C17orf75: variants seen among roughly 807,000 people sequenced by gnomAD.
C17orf75 encodes the protein chromosome 17 open reading frame 75, also known as protein Njmu-R1.
In C17orf75, 32 loss-of-function variants were observed where a neutral mutation model predicts 49.6. That is an observed-to-expected ratio of 0.65 (90% CI 0.49 to 0.87). The LOEUF is 0.87. C17orf75 is among the 40% of genes least tolerant of loss of function. The pLI, the probability that C17orf75 is intolerant of heterozygous loss-of-function variation, is 0.00. For synonymous variants in C17orf75, 158 were observed against 159.5 expected (o/e 0.99, Z 0.07); for missense variants, 428 against 473.9 (o/e 0.90, Z 0.90).
At position 32,335,323 on chromosome 17, in the gene C17orf75, A is replaced by G. The variant is rs1293739855; in HGVS notation, c.669T>C (p.Ala223=). The change falls in exon 6 of 10, where the codon GCT becomes GCC. Residue 223 remains alanine (A), a splice_region_variant and synonymous_variant. Transcript: ENST00000577809. Reference sequence around the variant, plus strand: ...AATGCTCTCATTTGGCAGTACTTACAGCATGTAGCAGAAAGGTAAGCTTTT... The same window carrying G: ...AATGCTCTCATTTGGCAGTACTTACGGCATGTAGCAGAAAGGTAAGCTTTT... ...FQEKLTFLLH[A]ALSYTPVEVK... is the part of the protein sequence containing the mutation. The G allele has an allele frequency of 6.2e-7, 1 of 1,613,768 alleles. No homozygotes were observed. The highest frequency in any genetic ancestry group is 1.1e-5 in the South Asian group (1 of 91,068).
In C17orf75 at chr17:32,335,313, C is replaced by T. The variant is rs376523065; in HGVS notation, c.669+10G>A. On this transcript the variant is annotated intron_variant, in intron 6 of 9. Transcript: ENST00000577809. ...CAGTTAAGGAAATGCTCTCATTTGGCAGTACTTACAGCATGTAGCAGAAAG... is the reference window on the plus strand; with the variant it reads ...CAGTTAAGGAAATGCTCTCATTTGGTAGTACTTACAGCATGTAGCAGAAAG... 1.7e-5 allele frequency: 28 copies of T among 1,612,790 alleles called. No individual in the cohort carries two copies. The African/African-American group carries it at 3.3e-4, about 19-fold the overall frequency.
intron 3 of C17orf75, 122 bp from the exon 4 acceptor site, chr17:32,338,473 A>C: frequency 4.4e-6 from 4 of 903,882 alleles, no homozygotes; most frequent in Non-Finnish European, 6.4e-6. Context: ...CCACTAACTC[A>C]GAGCTTCCCA....
intron 3 of C17orf75, 49 bp downstream of exon 3, chr17:32,339,764 T>C (rs760657554): frequency 6.2e-7 from 1 of 1,602,428 alleles, no homozygotes; most frequent in Non-Finnish European, 8.5e-7. Context: ...TCACTTCTCA[T>C]ATTTAGTTCA....
At chr17:32,337,577 T>C (rs958569548) in intron 5 of C17orf75, among the ~76,000 whole-genome samples, 2 of 152,302 alleles carry the variant, frequency 1.3e-5, no homozygotes, top group Admixed American at 1.3e-4. Context: ...AGTATATTAA[T>C]CATTTCAGTC....
In C17orf75 at chr17:32,330,031, C is replaced by T. The variant is rs1227221199; in HGVS notation, c.*1732G>A. On this transcript the variant is annotated 3_prime_UTR_variant, in exon 10 of 10. Coordinates refer to ENST00000577809, the MANE Select transcript of C17orf75 (RefSeq NM_022344.4). ...CTAATTTTTGTAATTTTAGTAGAGA[C>T]AGGGTTTCACCATATTGGTCAGGCT... 1 of 152,200 alleles carries T rather than the reference C, an allele frequency of 6.6e-6. No individual in the cohort carries two copies. The highest frequency in any genetic ancestry group is 1.5e-5 in the Non-Finnish European group (1 of 68,048). 9.4% of individuals were successfully genotyped at this position (152,200 alleles called of 1,614,324 possible). A position where few individuals can be genotyped will look rare whatever the true frequency, so the allele number is the denominator to read the frequency against.
intron 1 of C17orf75, among the ~76,000 whole-genome samples, chr17:32,349,650 C>G (rs140825817): frequency 2.2e-3 from 340 of 152,228 alleles, no homozygotes; most frequent in African/African-American, 7.2e-3. Context: ...CCACTACAGC[C>G]GCCCTAGGAC....
chr17:32,342,049 C>G lies in C17orf75; in HGVS notation c.91G>C (p.Glu31Gln). The G allele has an allele frequency of 1.3e-6, 2 of 1,554,964 alleles. No homozygotes were observed. Among genetic ancestry groups the G allele is most frequent in the Non-Finnish European group, 1.7e-6 (2 of 1,151,828 alleles). ...CAGTAGTGGCTGCTGGACGGCGGCT[C>G]GAGTCTCCGCTCCTCGGCTGAGCCT... ...EGGSAEERRL[E>Q]PPSSSHYCLY... Residue 31 changes from glutamate to glutamine, a missense_variant, in exon 1 of 10, where the codon GAG becomes CAG. Glu to Gln is a conservative substitution (Grantham distance 29). Coordinates refer to ENST00000577809, the MANE Select transcript of C17orf75 (RefSeq NM_022344.4).
intron 9 of C17orf75, among the ~76,000 whole-genome samples, chr17:32,332,914 A>G (rs1196305376): frequency 6.6e-6 from 1 of 151,982 alleles, no homozygotes; most frequent in Non-Finnish European, 1.5e-5. Context: ...GGTTCAAGCA[A>G]TTTTCGTGCC....
intron 8 of C17orf75, 35 bp downstream of exon 8, chr17:32,334,434 G>A (rs1214649718): frequency 1.3e-6 from 2 of 1,598,574 alleles, no homozygotes; most frequent in African/African-American, 2.7e-5. Context: ...ACTCGCAAGA[G>A]ATGTAGGAAG....
intron 1 of C17orf75, among the ~76,000 whole-genome samples, chr17:32,347,597 TTA>T (rs2041435263): frequency 6.6e-6 from 1 of 152,268 alleles, no homozygotes; most frequent in East Asian, 1.9e-4. Flanking sequence ...TTATATTTTC[TTA>T]TAGTCTGGAA....
At chr17:32,346,325 TG>T, upstream of C17orf75, among the ~76,000 whole-genome samples, 1 of 152,052 alleles carries the variant, frequency 6.6e-6, no homozygotes, top group South Asian at 2.1e-4. Context: ...TGGGCTGAGG[TG>T]GGAGGATCCA....
At chr17:32,345,515 T>C (rs2041418909), upstream of C17orf75, among the ~76,000 whole-genome samples, 1 of 150,920 alleles carries the variant, frequency 6.6e-6, no homozygotes, top group African/African-American at 2.4e-5. Flanking sequence ...TTGATATGAT[T>C]GGACATCGAA....
intron 3 of C17orf75, 145 bp from the exon 4 acceptor site, chr17:32,338,496 G>T: frequency 1.3e-6 from 1 of 780,476 alleles, no homozygotes; most frequent in Non-Finnish European, 1.9e-6. Context: ...CTTCTCGTTG[G>T]TGTACTTGCA....
intron 3 of C17orf75, among the ~76,000 whole-genome samples, chr17:32,338,909 G>A (rs1263938651): frequency 6.6e-6 from 1 of 152,134 alleles, no homozygotes; most frequent in Non-Finnish European, 1.5e-5. Context: ...TGGCCAACAT[G>A]GTGAAACCCC....
chr17:32,349,984 G>C, exon 1 of C17orf75: 1 of 1,251,468 alleles, frequency 8.0e-7, no homozygotes, highest in Non-Finnish European at 1.0e-6. Context: ...AAAGTGCTCC[G>C]CAAGCACAGC....
At chr17:32,341,646 G>A (rs2041380813) in intron 1 of C17orf75, among the ~76,000 whole-genome samples, 1 of 152,226 alleles carries the variant, frequency 6.6e-6, no homozygotes, top group South Asian at 2.1e-4. Context: ...AGAAATGGGA[G>A]AAGTGGGGAG....
At chr17:32,344,051 G>T, upstream of C17orf75, 1 of 663,438 alleles carries the variant, frequency 1.5e-6, no homozygotes, top group South Asian at 1.6e-5. Context: ...TTGAATAGCC[G>T]ACCAGTCCCC....
chr17:32,333,827 A>G (rs564057128), intron 8 of C17orf75, among the ~76,000 whole-genome samples: 87 of 152,284 alleles, frequency 5.7e-4, no homozygotes, highest in Admixed American at 1.6e-3. Context: ...ATAATGGCCT[A>G]AAAAAACAGT....
chr17:32,345,649 G>A (rs2041419832), upstream of C17orf75, among the ~76,000 whole-genome samples: 2 of 151,722 alleles, frequency 1.3e-5, no homozygotes, highest in South Asian at 4.2e-4. Flanking sequence ...GGCCAACATG[G>A]TGAAACCCTG....
Sources: gnomAD v4.1 joint callset for allele counts (sites outside exome capture counted in the v4.1 genomes callset) on GRCh38, gnomAD v4.1.1 for gene constraint, MANE v1.5 for transcripts, NCBI Gene and HGNC (gene_info 2026-07-23, HGNC 2026-07-21) for gene names.